The following NIT1 variants were observed in gnomAD, a reference collection of about 807,000 sequenced individuals.
The protein encoded by NIT1 is deaminated glutathione amidase.
A neutral mutation model predicts 36.8 loss-of-function variants in NIT1; 30 were observed. That is an observed-to-expected ratio of 0.82 (90% CI 0.61 to 1.11). The LOEUF (loss-of-function observed/expected upper bound fraction) is 1.11, where lower values mean the gene tolerates loss of function less well. Among genes scored for constraint, NIT1 ranks in the 50% least tolerant of loss-of-function variants. The pLI is 0.00. For missense variants in NIT1, 438 were observed against 410.6 expected (o/e 1.07, Z -0.58); for synonymous variants, 151 against 155.6 (o/e 0.97, Z 0.22).
At position 161,120,092 on chromosome 1, in the gene NIT1, T is replaced by C. The variant is rs754818521; in HGVS notation, c.592-15T>C. The C allele has an allele frequency of 2.5e-6, 4 of 1,614,118 alleles. No homozygotes were observed. Among genetic ancestry groups the C allele is most frequent in the South Asian group, 2.2e-5 (2 of 91,074 alleles). ...AGAGCAGGAAGACTACTAAGTAGGCTGTTTTTCATTCCAGATTGGTCTAGC... is the reference window on the plus strand; with the variant it reads ...AGAGCAGGAAGACTACTAAGTAGGCCGTTTTTCATTCCAGATTGGTCTAGC... On this transcript the variant is annotated splice_polypyrimidine_tract_variant and intron_variant, in intron 5 of 6. Transcript: ENST00000368009.
At chr1:161,122,628 T>C (rs1462665256), downstream of NIT1, 15 of 1,396,882 alleles carry the variant, frequency 1.1e-5, no homozygotes, top group African/African-American at 1.4e-5. This position sits in a 1 kb window ranked among gnomAD's most constrained non-coding sequence, Gnocchi z 4.2. Context: ...AAGTAGGGAA[T>C]ATCACCTGAC....
rs2101715408 is a variant in NIT1 at position 161,118,702 on chromosome 1, A to G, written c.3-84A>G. On this transcript the variant is annotated intron_variant, in intron 1 of 6. Transcript: ENST00000368009. The stretch of plus-strand genomic sequence containing the variant: ...ACTGGCAGGGCCCTGATTCAGGCTC[A>G]CAGTATAAAGAGAGAAGTCAGAGAA... 3 of 1,469,122 alleles carry G rather than the reference A, an allele frequency of 2.0e-6. No individual in the cohort carries two copies. The East Asian group carries it at 6.8e-5, about 33-fold the overall frequency. The allele number at this position is 1,469,122 out of a possible 1,614,324, so 91.0% of individuals were successfully genotyped here. A position where few individuals can be genotyped will look rare whatever the true frequency, so the allele number is the denominator to read the frequency against.
At chr1:161,118,977 T>A (rs762213937) in intron 2 of NIT1, 96 bp downstream of exon 2, 80 of 1,327,280 alleles carry the variant, frequency 6.0e-5, no homozygotes, top group Non-Finnish European at 8.6e-5. Context: ...TATCCACACA[T>A]TTGATTGGTG....
At chr1:161,120,429 A>G in intron 6 of NIT1, 70 bp from the exon 7 acceptor site, 1 of 1,547,440 alleles carries the variant, frequency 6.5e-7, no homozygotes, top group Non-Finnish European at 8.9e-7. Context: ...ATTGGTCTGT[A>G]ATGTCCCTCA....
downstream of NIT1, among the ~76,000 whole-genome samples, chr1:161,122,787 A>G (rs1036622371): frequency 2.0e-5 from 3 of 152,202 alleles, no homozygotes; most frequent in Admixed American, 2.0e-4. This position sits in a 1 kb window ranked among gnomAD's most constrained non-coding sequence, Gnocchi z 4.2. Context: ...ATATTTTCCT[A>G]ATTACCAGGC....
chr1:161,119,805 C>T lies in NIT1; in HGVS notation c.458-14C>T. On this transcript the variant is annotated splice_polypyrimidine_tract_variant and intron_variant, in intron 4 of 6. Coordinates refer to ENST00000368009, the MANE Select transcript of NIT1 (RefSeq NM_005600.3). ...TAGAACACCAGCACTGATATTCCTT[C>T]TTTCTTACTGTAGGGGCAGTAGTGG... 6.3e-7 allele frequency: 1 copy of T among 1,587,130 alleles called. No individual in the cohort carries two copies. The highest frequency in any genetic ancestry group is 8.6e-7 in the Non-Finnish European group (1 of 1,168,456).
chr1:161,118,245 A>T lies in NIT1; in HGVS notation c.2+67A>T, dbSNP rs561209382. The stretch of plus-strand genomic sequence containing the variant: ...CCTGCGGTGCTTTAACTTGTGTAAC[A>T]GAGATGCTGCCTCTGGGAGAGGCGG... On this transcript the variant is annotated intron_variant, in intron 1 of 6. Transcript: ENST00000368009. The T allele has an allele frequency of 1.4e-5, 23 of 1,613,502 alleles. No homozygotes were observed. The African/African-American group carries it at 1.7e-4, about 12-fold the overall frequency.
chr1:161,119,083 T>C (rs1268511529), intron 2 of NIT1, 51 bp from the exon 3 acceptor site: 1 of 1,603,020 alleles, frequency 6.2e-7, no homozygotes. Flanking sequence ...TAGCATTAAA[T>C]TTGCTTCCCT....
chr1:161,119,510 G>C lies in NIT1; in HGVS notation c.355G>C (p.Glu119Gln). 1 of 1,614,136 alleles carries C rather than the reference G, an allele frequency of 6.2e-7. No homozygotes were observed. The highest frequency in any genetic ancestry group is 8.5e-7 in the Non-Finnish European group (1 of 1,179,988). The change falls in exon 4 of 7, where the codon GAA becomes CAA. Residue 119 changes from glutamate (E) to glutamine (Q), a missense_variant and splice_region_variant. By Grantham distance (29) the Glu-to-Gln change is conservative (BLOSUM62 2). Coordinates refer to ENST00000368009, the MANE Select transcript of NIT1 (RefSeq NM_005600.3). ...GTTGTCAGTGTCCCTTCCCCCCAGG[G>C]AATGTGGACTCTGGCTGTCCTTGGG... Reference protein sequence around the residue: ...LLEEYTQLARECGLWLSLGGF... With the variant: ...LLEEYTQLARQCGLWLSLGGF...
At chr1:161,119,781 A>G (rs753622098) in intron 4 of NIT1, 38 bp from the exon 5 acceptor site, 2 of 1,577,434 alleles carry the variant, frequency 1.3e-6, no homozygotes, top group South Asian at 1.2e-5. Flanking sequence ...CAAGGCTTCT[A>G]GAACACCAGC....
chr1:161,124,700 A>C, downstream of NIT1: 1 of 816,970 alleles, frequency 1.2e-6, no homozygotes, highest in Non-Finnish European at 1.7e-6. Flanking sequence ...AGGGGCTCAC[A>C]CCTGTAATCC....
At chr1:161,118,965 A>G (rs1179745298) in intron 2 of NIT1, 84 bp downstream of exon 2, 3 of 1,335,382 alleles carry the variant, frequency 2.2e-6, no homozygotes, top group African/African-American at 2.9e-5. Flanking sequence ...AGGAGTGTCA[A>G]CTATCCACAC....
downstream of NIT1, among the ~76,000 whole-genome samples, chr1:161,122,777 A>G (rs904951876): frequency 6.6e-6 from 1 of 152,144 alleles, no homozygotes; most frequent in African/African-American, 2.4e-5. The surrounding 1 kb of genome is among the most constrained non-coding windows in gnomAD (Gnocchi z 4.2). Flanking sequence ...TTTATAGGAG[A>G]TATTTTCCTA....
At chr1:161,118,268 CG>C in intron 1 of NIT1, 90 bp downstream of exon 1, 1 of 1,557,736 alleles carries the variant, frequency 6.4e-7, no homozygotes. Context: ...CTGGGAGAGG[CG>C]GGGAGGGACG....
At chr1:161,121,299 C>A (rs889377193), downstream of NIT1, 21 of 529,174 alleles carry the variant, frequency 4.0e-5, no homozygotes, top group African/African-American at 3.9e-4. Context: ...TGCCCTTTGC[C>A]CAAGCCAGAA....
chr1:161,118,208 C>T (rs1308559184), intron 1 of NIT1, 30 bp downstream of exon 1: 3 of 1,614,044 alleles, frequency 1.9e-6, no homozygotes, highest in African/African-American at 2.7e-5. Flanking sequence ...CCGTCGGCCG[C>T]GGTGAATCCC....
downstream of NIT1, chr1:161,123,168 T>C (rs766698121): frequency 1.2e-6 from 2 of 1,614,060 alleles, no homozygotes; most frequent in East Asian, 2.2e-5. Flanking sequence ...GGCCGCTTGC[T>C]ACACATCTGA....
In NIT1 at chr1:161,118,857, TCTCAGTA is replaced by T; in HGVS notation, c.77_83del (p.Ser26PhefsTer27). The T allele has an allele frequency of 1.9e-6, 3 of 1,613,920 alleles. No homozygotes were observed. The highest frequency in any genetic ancestry group is 2.5e-6 in the Non-Finnish European group (3 of 1,179,804). ...TGTCCTGGACTCCGGATACCTCAAC[TCTCAGTA>T]CTTTGTGCTCAGCCCAGGTAACACG... is the stretch of plus-strand genomic sequence containing the variant. On this transcript the variant is annotated frameshift_variant, in exon 2 of 7. Transcript: ENST00000368009. LOFTEE classifies it high-confidence loss of function.
Position 161,119,334 on chromosome 1 carries a change from A to G in NIT1, c.299A>G (p.His100Arg), listed in dbSNP as rs1280432478. The G allele has an allele frequency of 1.2e-6, 2 of 1,614,032 alleles. No individual in the cohort carries two copies. Among genetic ancestry groups the G allele is most frequent in the Non-Finnish European group, 1.7e-6 (2 of 1,180,016 alleles). ...FIARDPAETL[H>R]LSEPLGGKLL... is the part of the protein sequence containing the mutation. Reference sequence around the variant, plus strand: ...GCACGGGACCCTGCAGAGACGCTACACCTGTCTGAACCACTGGGTGGGAAA... The same window carrying G: ...GCACGGGACCCTGCAGAGACGCTACGCCTGTCTGAACCACTGGGTGGGAAA... The change falls in exon 3 of 7, where the codon CAC becomes CGC. Residue 100 changes from histidine (H) to arginine (R), a missense_variant. Coordinates refer to ENST00000368009, the MANE Select transcript of NIT1 (RefSeq NM_005600.3).
Sources: allele counts gnomAD v4.1 joint callset (sites outside exome capture counted in the v4.1 genomes callset), GRCh38; gene constraint gnomAD v4.1.1; non-coding constraint Gnocchi (gnomAD v3.1); transcripts MANE v1.5; gene names NCBI Gene and HGNC (gene_info 2026-07-23, HGNC 2026-07-21).